MOGS: variants seen among roughly 807,000 people sequenced by gnomAD.
MOGS encodes the protein epididymis secretory sperm binding protein.
MOGS carries 45 observed loss-of-function variants against 68.5 expected under a neutral mutation model. That is an observed-to-expected ratio of 0.66 (90% CI 0.52 to 0.84). The LOEUF (loss-of-function observed/expected upper bound fraction) is 0.84. Among genes scored for constraint, MOGS ranks in the 40% least tolerant of loss-of-function variants. The probability of loss-of-function intolerance (pLI) is 0.00; values close to 1 mark genes in which losing one functional copy is unlikely to be tolerated. For missense variants in MOGS, 1,020 were observed against 1,095.0 expected (o/e 0.93, Z 0.97); for synonymous variants, 492 against 461.2 (o/e 1.07, Z -0.86).
At position 74,465,104 on chromosome 2, in the gene MOGS, G is replaced by A; in HGVS notation, c.144C>T (p.Val48=). ...TACCCAGGGCCAAAGACAGGACCAC[G>A]ACGGCCAGAGCCACTCCTCCAGCCG... The part of the protein sequence containing the change: ...RSTAGGVALA[V]VVLSLALGMS... The change falls in exon 1 of 4, where the codon GTC becomes GTT. Residue 48 remains valine, a synonymous_variant. Transcript: ENST00000448666. The A allele has an allele frequency of 6.5e-7, 1 of 1,547,456 alleles. No individual in the cohort carries two copies. Among genetic ancestry groups the A allele is most frequent in the Non-Finnish European group, 8.7e-7 (1 of 1,149,890 alleles).
In MOGS at chr2:74,461,538, G is replaced by A. The variant is rs748805392; in HGVS notation, c.2251C>T (p.Arg751Trp). Residue 751 changes from arginine to tryptophan, a missense_variant, in exon 4 of 4, where the codon CGG becomes TGG. Arg to Trp is a moderately radical substitution (Grantham distance 101, BLOSUM62 -3). Transcript: ENST00000448666. The stretch of plus-strand genomic sequence containing the variant: ...TTGACATTGAGCCACACAGCACCCC[G>A]CCAGTAGGGGGGATCATGCTCTGAA... Reference protein sequence around the residue: ...RNSEHDPPYWRGAVWLNVNYL... With the variant: ...RNSEHDPPYWWGAVWLNVNYL... 1.2e-5 allele frequency: 20 copies of A among 1,613,860 alleles called. No individual in the cohort carries two copies. Among genetic ancestry groups the A allele is most frequent in the African/African-American group, 2.7e-5 (2 of 74,918 alleles).
rs1672011292 is a variant in MOGS, at chr2:74,464,535, G to T, written c.540C>A (p.His180Gln). 8.7e-6 allele frequency: 14 copies of T among 1,614,016 alleles called. No individual in the cohort carries two copies. The highest frequency in any genetic ancestry group is 1.7e-5 in the Admixed American group (1 of 60,004). The change falls in exon 2 of 4, where the codon CAC (histidine) becomes CAA (glutamine). Residue 180 changes from histidine (H) to glutamine (Q), a missense_variant. By Grantham distance (24) the His-to-Gln change is conservative. Transcript: ENST00000448666. ...TCACTCTCCAGCTCCAGTCCCCTCC[G>T]TGCTGACCCCCAGGCCTCTTGACGA... ...TEFVKRPGGQHGGDWSWRVTV... is the reference protein window; with the variant it reads ...TEFVKRPGGQQGGDWSWRVTV...
In MOGS at chr2:74,461,537, C is replaced by T. The variant is rs775182596; in HGVS notation, c.2252G>A (p.Arg751Gln). 3.0e-5 allele frequency: 49 copies of T among 1,613,832 alleles called. No homozygotes were observed. The highest frequency in any genetic ancestry group is 6.7e-5 in the Admixed American group (4 of 59,990). Reference protein sequence around the residue: ...RNSEHDPPYWRGAVWLNVNYL... With the variant: ...RNSEHDPPYWQGAVWLNVNYL... ...GTTGACATTGAGCCACACAGCACCC[C>T]GCCAGTAGGGGGGATCATGCTCTGA... The change falls in exon 4 of 4, where the codon CGG becomes CAG. Residue 751 changes from arginine to glutamine, a missense_variant. This residue lies in a region of MOGS where 270 missense variants were observed against 261.3 expected (regional missense o/e 1.03). Coordinates refer to ENST00000448666, the MANE Select transcript of MOGS (RefSeq NM_006302.3).
chr2:74,462,273 G>C lies in MOGS; in HGVS notation c.1516C>G (p.Arg506Gly), dbSNP rs781213245. 1 of 1,613,796 alleles carries C rather than the reference G, an allele frequency of 6.2e-7. No individual in the cohort carries two copies. The highest frequency in any genetic ancestry group is 1.3e-5 in the African/African-American group (1 of 74,908). ...ARVPPEFLVQ[R>G]AVHANPPTLL... ...GTTGGGGGGTTGGCGTGGACTGCTC[G>C]TTGTACTAGGAATTCTGGAGGCACC... The change falls in exon 4 of 4, where the codon CGA (arginine) becomes GGA (glycine). Residue 506 changes from arginine to glycine, a missense_variant. Physicochemically the swap from Arg to Gly is moderately radical, Grantham distance 125. Transcript: ENST00000448666.
Position 74,461,629 on chromosome 2 carries a change from G to A in MOGS, c.2160C>T (p.Arg720=), listed in dbSNP as rs1413128875. 3.7e-6 allele frequency: 6 copies of A among 1,614,082 alleles called. No individual in the cohort carries two copies. The Admixed American group carries it at 1.0e-4, about 27-fold the overall frequency. The part of the protein sequence containing the change: ...GPLLDILADS[R]HLWSPFGLRS... Reference sequence around the variant, plus strand: ...GTAAACCAAAGGGGCTCCAGAGATGGCGGCTGTCGGCTAGAATGTCCAGCA... The same window carrying A: ...GTAAACCAAAGGGGCTCCAGAGATGACGGCTGTCGGCTAGAATGTCCAGCA... Residue 720 remains arginine, a synonymous_variant, in exon 4 of 4, where the codon CGC becomes CGT. Coordinates refer to ENST00000448666, the MANE Select transcript of MOGS (RefSeq NM_006302.3).
In MOGS at chr2:74,464,529, C is replaced by A. The variant is rs367819963; in HGVS notation, c.546G>T (p.Gly182=). Residue 182 remains glycine, a synonymous_variant, in exon 2 of 4, where the codon GGG becomes GGT. Transcript: ENST00000448666. ...CTACAGTCACTCTCCAGCTCCAGTCCCCTCCGTGCTGACCCCCAGGCCTCT... is the reference window on the plus strand; with the variant it reads ...CTACAGTCACTCTCCAGCTCCAGTCACCTCCGTGCTGACCCCCAGGCCTCT... ...FVKRPGGQHG[G]DWSWRVTVEP... is the part of the protein sequence containing the mutation. The A allele has an allele frequency of 2.5e-6, 4 of 1,614,118 alleles. No homozygotes were observed. Among genetic ancestry groups the A allele is most frequent in the Non-Finnish European group, 3.4e-6 (4 of 1,180,014 alleles).
Position 74,464,633 on chromosome 2 carries a change from A to T in MOGS, c.442T>A (p.Trp148Arg). ...AAGGAGAGGCCGTCGTGGAACTCCC[A>T]GCCATAGGGACCCACACCGTCCCCC... Reference protein sequence around the residue: ...EQGDGVGPYGWEFHDGLSFGR... With the variant: ...EQGDGVGPYGREFHDGLSFGR... Residue 148 changes from tryptophan (W) to arginine (R), a missense_variant, in exon 2 of 4, where the codon TGG becomes AGG. Around this residue, in one of 3 missense-constraint regions of MOGS, gnomAD observed 569 missense variants for 571.9 expected, o/e 0.99. Transcript: ENST00000448666. 6.2e-7 allele frequency: 1 copy of T among 1,614,092 alleles called. No individual in the cohort carries two copies. Among genetic ancestry groups the T allele is most frequent in the Non-Finnish European group, 8.5e-7 (1 of 1,180,034 alleles).
At position 74,465,015 on chromosome 2, in the gene MOGS, G is replaced by C. The variant is rs1270855627; in HGVS notation, c.233C>G (p.Pro78Arg). 1 of 1,554,748 alleles carries C rather than the reference G, an allele frequency of 6.4e-7. No individual in the cohort carries two copies. The highest frequency in any genetic ancestry group is 1.4e-5 in the African/African-American group (1 of 73,306). ...ARRAVTLHSA[P>R]PVLPADSSSP... ...GGAGGAGTCGGCAGGCAACACAGGA[G>C]GCGCGGAGTGCAGCGTGACCGCCCG... The change falls in exon 1 of 4, where the codon CCT (proline) becomes CGT (arginine). Residue 78 changes from proline (P) to arginine (R), a missense_variant. Physicochemically the swap from Pro to Arg is moderately radical, Grantham distance 103 (BLOSUM62 -2). Around this residue, in one of 3 missense-constraint regions of MOGS, gnomAD observed 569 missense variants for 571.9 expected, o/e 0.99. Transcript: ENST00000448666.
chr2:74,461,160 A>G lies in MOGS; in HGVS notation c.*115T>C. On this transcript the variant is annotated 3_prime_UTR_variant, in exon 4 of 4. Transcript: ENST00000448666. Reference sequence around the variant, plus strand: ...GACAGCAAGGAGACACCTGAGATGAAATGAGGAAGGTTTGAATTACTGGTA... The same window carrying G: ...GACAGCAAGGAGACACCTGAGATGAGATGAGGAAGGTTTGAATTACTGGTA... 1 of 1,178,040 alleles carries G rather than the reference A, an allele frequency of 8.5e-7. No homozygotes were observed. Among genetic ancestry groups the G allele is most frequent in the Non-Finnish European group, 1.2e-6 (1 of 811,996 alleles). The allele number at this position is 1,178,040 out of a possible 1,614,324, so 73.0% of individuals were successfully genotyped here.
At position 74,465,372 on chromosome 2, in the gene MOGS, C is replaced by T. The variant is rs1461448884; in HGVS notation, c.-125G>A. The T allele has an allele frequency of 6.4e-6, 3 of 470,624 alleles. No homozygotes were observed. The highest frequency in any genetic ancestry group is 4.4e-5 in the Admixed American group (1 of 22,732). The allele number at this position is 470,624 out of a possible 1,614,324, so 29.2% of individuals were successfully genotyped here. On this transcript the variant is annotated 5_prime_UTR_variant, in exon 1 of 4. Coordinates refer to ENST00000448666, the MANE Select transcript of MOGS (RefSeq NM_006302.3). ...CCGTCCGGTTAGCGACACCTGCCAG[C>T]CAGCGCCTGCGCCTCCGCCTCCGCC... is the stretch of plus-strand genomic sequence containing the variant.
Position 74,461,230 on chromosome 2 carries a change from A to G in MOGS, c.*45T>C. ...AAGCCAGAAGCCTTTGTCCCTTCAG[A>G]GCCAGAGTGGCATGAGTGTCTTGGC... On this transcript the variant is annotated 3_prime_UTR_variant, in exon 4 of 4. Coordinates refer to ENST00000448666, the MANE Select transcript of MOGS (RefSeq NM_006302.3). 1 of 1,611,078 alleles carries G rather than the reference A, an allele frequency of 6.2e-7. No homozygotes were observed. Among genetic ancestry groups the G allele is most frequent in the Non-Finnish European group, 8.5e-7 (1 of 1,179,124 alleles).
Position 74,462,192 on chromosome 2 carries a change from A to G in MOGS, c.1597T>C (p.Phe533Leu), listed in dbSNP as rs779983719. 1.2e-6 allele frequency: 2 copies of G among 1,614,188 alleles called. No individual in the cohort carries two copies. Among genetic ancestry groups the G allele is most frequent in the South Asian group, 1.1e-5 (1 of 91,086 alleles). The change falls in exon 4 of 4, where the codon TTC becomes CTC. Residue 533 changes from phenylalanine to leucine, a missense_variant. Transcript: ENST00000448666. ...LEVGDPDDLA[F>L]LRKALPRLHA... ...AGGCGGGGCAAGGCCTTTCGGAGGA[A>G]AGCCAAGTCGTCAGGGTCACCAACC...
chr2:74,462,925 C>T lies in MOGS; in HGVS notation c.864G>A (p.Arg288=). 6.2e-7 allele frequency: 1 copy of T among 1,614,184 alleles called. No individual in the cohort carries two copies. Among genetic ancestry groups the T allele is most frequent in the Non-Finnish European group, 8.5e-7 (1 of 1,180,038 alleles). ...KSRLNSWFQH[R]PPGAPPERYL... ...AGCGTTCAGGGGGGGCCCCTGGGGG[C>T]CGATGCTGAAACCAGCTATTTAGGC... Residue 288 remains arginine (R), a synonymous_variant, in exon 4 of 4, where the codon CGG becomes CGA. Transcript: ENST00000448666.
In MOGS at chr2:74,461,836, G is replaced by A. The variant is rs757741434; in HGVS notation, c.1953C>T (p.Val651=). ...DELHWAPELG[V]FADFGNHTKA... is the part of the protein sequence containing the mutation. The stretch of plus-strand genomic sequence containing the variant: ...TTGTGTGGTTCCCAAAGTCTGCAAA[G>A]ACTCCTAGCTCTGGGGCCCAGTGCA... Residue 651 remains valine, a synonymous_variant, in exon 4 of 4, where the codon GTC becomes GTT. Transcript: ENST00000448666. The A allele has an allele frequency of 7.4e-6, 12 of 1,614,058 alleles. No homozygotes were observed. The East Asian group carries it at 2.4e-4, about 33-fold the overall frequency.
chr2:74,461,556 G>A lies in MOGS; in HGVS notation c.2233C>T (p.His745Tyr). The part of the protein sequence containing the change: ...SSFYGQRNSE[H>Y]DPPYWRGAVW... Reference sequence around the variant, plus strand: ...GCACCCCGCCAGTAGGGGGGATCATGCTCTGAATTGCGCTGGCCATAAAAG... The same window carrying A: ...GCACCCCGCCAGTAGGGGGGATCATACTCTGAATTGCGCTGGCCATAAAAG... Residue 745 changes from histidine (H) to tyrosine (Y), a missense_variant, in exon 4 of 4, where the codon CAT (histidine) becomes TAT (tyrosine). Transcript: ENST00000448666. 1 of 1,614,050 alleles carries A rather than the reference G, an allele frequency of 6.2e-7. No individual in the cohort carries two copies. Among genetic ancestry groups the A allele is most frequent in the Admixed American group, 1.7e-5 (1 of 60,018 alleles).
At position 74,461,414 on chromosome 2, in the gene MOGS, A is replaced by G. The variant is rs757464083; in HGVS notation, c.2375T>C (p.Val792Ala). 2 of 1,614,184 alleles carry G rather than the reference A, an allele frequency of 1.2e-6. No homozygotes were observed. Among genetic ancestry groups the G allele is most frequent in the Admixed American group, 1.7e-5 (1 of 60,030 alleles). ...KLHGELRANV[V>A]GNVWRQYQAT... ...CTGGTACTGGCGCCATACATTGCCTACCACGTTGGCACGGAGCTCACCGTG... is the reference window on the plus strand; with the variant it reads ...CTGGTACTGGCGCCATACATTGCCTGCCACGTTGGCACGGAGCTCACCGTG... Residue 792 changes from valine (V) to alanine (A), a missense_variant, in exon 4 of 4, where the codon GTA becomes GCA. Around this residue, in one of 3 missense-constraint regions of MOGS, gnomAD observed 270 missense variants for 261.3 expected, o/e 1.03. Coordinates refer to ENST00000448666, the MANE Select transcript of MOGS (RefSeq NM_006302.3).
chr2:74,462,276 G>A lies in MOGS; in HGVS notation c.1513C>T (p.Gln505Ter), dbSNP rs1671936359. 6.2e-7 allele frequency: 1 copy of A among 1,613,922 alleles called. No individual in the cohort carries two copies. The highest frequency in any genetic ancestry group is 8.5e-7 in the Non-Finnish European group (1 of 1,180,022). The change falls in exon 4 of 4, where the codon CAA (glutamine) becomes TAA (stop). Residue 505 changes from glutamine to a stop codon, truncating the protein, a stop_gained. Coordinates refer to ENST00000448666, the MANE Select transcript of MOGS (RefSeq NM_006302.3). LOFTEE classifies it high-confidence loss of function. ...RARVPPEFLV[Q>*]RAVHANPPTL... ...GGGGGGTTGGCGTGGACTGCTCGTT[G>A]TACTAGGAATTCTGGAGGCACCCGG...
rs760835807 is a variant in MOGS, at chr2:74,462,588, C to G, written c.1201G>C (p.Gly401Arg). The G allele has an allele frequency of 3.1e-6, 5 of 1,613,966 alleles. No individual in the cohort carries two copies. The South Asian group carries it at 5.5e-5, about 18-fold the overall frequency. Residue 401 changes from glycine (G) to arginine (R), a missense_variant, in exon 4 of 4, where the codon GGA (glycine) becomes CGA (arginine). By Grantham distance (125) the Gly-to-Arg change is moderately radical (BLOSUM62 -2). This residue lies in a region of MOGS where 569 missense variants were observed against 571.9 expected (regional missense o/e 0.99). Coordinates refer to ENST00000448666, the MANE Select transcript of MOGS (RefSeq NM_006302.3). ...GQAALSGLLG[G>R]IGYFYGQGLV... is the part of the protein sequence containing the mutation. ...CCTTGTCCGTAGAAGTAGCCAATTC[C>G]ACCAAGGAGGCCGCTGAGGGCAGCC...
rs201823585 is a variant in MOGS at position 74,461,276 on chromosome 2, C to A, written c.2513G>T (p.Ter838LeuextTer54). ...TTGGCTCCCCTCCTCTCCCTCCCTT[C>A]AGTAGTCTTCAGCCATGGCCAGTAA... is the stretch of plus-strand genomic sequence containing the variant. ...LVLLAMAEDY[*>L] Residue 838 changes from the stop codon to leucine (L), a stop_lost, in exon 4 of 4, where the codon TGA becomes TTA. Coordinates refer to ENST00000448666, the MANE Select transcript of MOGS (RefSeq NM_006302.3). 2 of 1,614,024 alleles carry A rather than the reference C, an allele frequency of 1.2e-6. No homozygotes were observed. Among genetic ancestry groups the A allele is most frequent in the Admixed American group, 3.3e-5 (2 of 60,034 alleles).
Sources: allele counts gnomAD v4.1 joint callset, GRCh38; gene constraint gnomAD v4.1.1; regional missense constraint gnomAD v4.1.1; transcripts MANE v1.5; gene names NCBI Gene and HGNC (gene_info 2026-07-23, HGNC 2026-07-21).